The following PCCA variants were observed in gnomAD, a reference collection of about 807,000 sequenced individuals.
PCCA encodes the protein propionyl-CoA carboxylase subunit alpha.
PCCA carries 74 observed loss-of-function variants against 101.3 expected under a neutral mutation model. The ratio of observed to expected loss-of-function variants is 0.73; its 90% CI spans 0.61 to 0.89. The LOEUF (loss-of-function observed/expected upper bound fraction) is 0.89. PCCA is among the 40% of genes least tolerant of loss of function. The pLI is 0.00. For missense variants in PCCA, 891 were observed against 907.0 expected, an observed-to-expected ratio of 0.98 and a Z score of 0.23; for synonymous variants, 294 against 313.6, an observed-to-expected ratio of 0.94 and a Z score of 0.66.
chr13:100,394,757 A>G lies in PCCA; in HGVS notation c.1746+26183A>G, dbSNP rs1194722435. 2.0e-5 allele frequency among the ~76,000 whole-genome samples: 3 copies of G among 152,212 alleles called. No homozygotes were observed. Among genetic ancestry groups the G allele is most frequent in the Non-Finnish European group, 2.9e-5 (2 of 68,038 alleles). On this transcript the variant is annotated intron_variant, in intron 19 of 23. Transcript: ENST00000376285. The surrounding 1 kb of genome is among the most constrained non-coding windows in gnomAD (Gnocchi z 4.3). ...GAAATATATCCTTCATAGTAAAATT[A>G]TGTTTTTTAAAAAATATGTCCTACT... is the stretch of plus-strand genomic sequence containing the variant.
intron 4 of PCCA, among the ~76,000 whole-genome samples, chr13:100,133,518 T>G (rs2050772347): frequency 6.6e-6 from 1 of 152,240 alleles, no homozygotes; most frequent in African/African-American, 2.4e-5. Context: ...AGTTTTGCCC[T>G]TTATTGTTAG....
At chr13:100,134,695 G>A (rs1017128058) in intron 4 of PCCA, among the ~76,000 whole-genome samples, 5 of 151,986 alleles carry the variant, frequency 3.3e-5, no homozygotes, top group Non-Finnish European at 5.9e-5. Context: ...TGGGATTACA[G>A]GCTTGTGCCA....
At chr13:100,176,695 T>G (rs2056266792) in intron 6 of PCCA, among the ~76,000 whole-genome samples, 1 of 152,246 alleles carries the variant, frequency 6.6e-6, no homozygotes, top group Non-Finnish European at 1.5e-5. Context: ...TAAATCCAGT[T>G]AGATGTGATT....
At chr13:100,386,229 A>G (rs2076492552) in intron 19 of PCCA, among the ~76,000 whole-genome samples, 1 of 152,254 alleles carries the variant, frequency 6.6e-6, no homozygotes, top group African/African-American at 2.4e-5. Context: ...TATTGGTTTA[A>G]GGAAGAATGT....
chr13:100,211,224 C>T (rs955901060), intron 7 of PCCA, among the ~76,000 whole-genome samples: 8 of 152,170 alleles, frequency 5.3e-5, no homozygotes, highest in African/African-American at 1.4e-4. Context: ...TTCTTCCATT[C>T]GTAAAGCACC....
chr13:100,433,477 C>T (rs2079700772), intron 20 of PCCA, among the ~76,000 whole-genome samples: 1 of 151,822 alleles, frequency 6.6e-6, no homozygotes, highest in Non-Finnish European at 1.5e-5. Context: ...TTTTTCAGTC[C>T]AAGTAGAAGC....
chr13:100,160,508 GAA>G (rs5806153), intron 6 of PCCA, among the ~76,000 whole-genome samples: 4 of 128,926 alleles, frequency 3.1e-5, no homozygotes, highest in Non-Finnish European at 5.0e-5. Flanking sequence ...GTCTAAAAAA[GAA>G]AAAAAAAAAA....
chr13:100,418,640 C>T (rs1014943047), intron 19 of PCCA, among the ~76,000 whole-genome samples: 2 of 152,014 alleles, frequency 1.3e-5, no homozygotes, highest in Admixed American at 1.3e-4. Flanking sequence ...CGAGACCAGC[C>T]TGGCCAACAT....
At chr13:100,202,255 G>C (rs1169001555) in intron 6 of PCCA, among the ~76,000 whole-genome samples, 1 of 151,496 alleles carries the variant, frequency 6.6e-6, no homozygotes, top group African/African-American at 2.4e-5. Context: ...GATCACTTGA[G>C]CCCAGGAGTT....
At chr13:100,410,267 G>A (rs1048033922) in intron 19 of PCCA, among the ~76,000 whole-genome samples, 18 of 151,608 alleles carry the variant, frequency 1.2e-4, no homozygotes, top group African/African-American at 3.6e-4. Context: ...TTTTTGAGAC[G>A]GAGTCTCGCT....
chr13:100,293,691 G>C (rs776655281), intron 12 of PCCA, among the ~76,000 whole-genome samples: 1 of 152,164 alleles, frequency 6.6e-6, no homozygotes, highest in Non-Finnish European at 1.5e-5. Flanking sequence ...AGAGGCCAGG[G>C]CTCTCAGGCT....
chr13:100,266,359 G>A (rs1183404525), intron 10 of PCCA, among the ~76,000 whole-genome samples: 1 of 152,050 alleles, frequency 6.6e-6, no homozygotes, highest in Non-Finnish European at 1.5e-5. Context: ...ATTTAGCCAT[G>A]GCATACAGCC....
intron 22 of PCCA, among the ~76,000 whole-genome samples, chr13:100,520,733 A>C (rs1594123570): frequency 1.3e-5 from 2 of 152,122 alleles, no homozygotes; most frequent in African/African-American, 4.8e-5. Flanking sequence ...GAGGTAAAAA[A>C]ATATCTATTA....
Position 100,301,525 on chromosome 13 carries a change from TAAGGGCTAC to T in PCCA, c.1132_1140del (p.Lys378_Tyr380del), listed in dbSNP as rs2066055740. The T allele has an allele frequency of 7.4e-6, 12 of 1,614,008 alleles. No individual in the cohort carries two copies. Among genetic ancestry groups the T allele is most frequent in the Non-Finnish European group, 1.0e-5 (12 of 1,179,986 alleles). ...TAGTCCAGGAAATGATCCGTGTTGCTAAGGGCTACCCTCTCAGGCACAAACAAGCTGATA... is the reference window on the plus strand; with the variant it reads ...TAGTCCAGGAAATGATCCGTGTTGCTCCTCTCAGGCACAAACAAGCTGATA... On this transcript the variant is annotated inframe_deletion, in exon 13 of 24. Coordinates refer to ENST00000376285, the MANE Select transcript of PCCA (RefSeq NM_000282.4).
intron 10 of PCCA, among the ~76,000 whole-genome samples, chr13:100,265,644 G>T (rs74529436): frequency 6.6e-6 from 1 of 152,056 alleles, no homozygotes; most frequent in East Asian, 1.9e-4. Context: ...TATTTGGGTC[G>T]TATTGAATCT....
chr13:100,180,291 T>TGTA (rs1203606082), intron 6 of PCCA, among the ~76,000 whole-genome samples: 7 of 152,214 alleles, frequency 4.6e-5, no homozygotes, highest in Admixed American at 4.6e-4. Flanking sequence ...GGCATCCACC[T>TGTA]GTAGACGTCC....
chr13:100,455,373 C>T (rs922789251), intron 21 of PCCA, among the ~76,000 whole-genome samples: 2 of 152,194 alleles, frequency 1.3e-5, no homozygotes, highest in Admixed American at 6.5e-5. Flanking sequence ...ATCTATTATT[C>T]TTTGCTTTTC....
chr13:100,208,799 G>A (rs1484024142), intron 6 of PCCA, among the ~76,000 whole-genome samples: 1 of 152,098 alleles, frequency 6.6e-6, no homozygotes, highest in Non-Finnish European at 1.5e-5. Flanking sequence ...ATGCAAACAT[G>A]TACTTTCTTT....
intron 20 of PCCA, among the ~76,000 whole-genome samples, chr13:100,435,404 G>A (rs940696232): frequency 4.6e-5 from 7 of 152,136 alleles, no homozygotes; most frequent in South Asian, 2.1e-4. Flanking sequence ...GATTTGGAGC[G>A]GACACATCCA....
Sources: gnomAD v4.1 joint callset for allele counts (sites outside exome capture counted in the v4.1 genomes callset) on GRCh38, gnomAD v4.1.1 for gene constraint, Gnocchi (gnomAD v3.1) non-coding constraint, MANE v1.5 for transcripts, NCBI Gene and HGNC (gene_info 2026-07-23, HGNC 2026-07-21) for gene names.